The following VEPH1 variants were observed in gnomAD, a reference collection of about 807,000 sequenced individuals.
VEPH1 encodes ventricular zone expressed PH domain containing 1.
VEPH1 carries 80 observed loss-of-function variants against 85.2 expected under a neutral mutation model. The ratio of observed to expected loss-of-function variants is 0.94; its 90% CI spans 0.78 to 1.13. The LOEUF (loss-of-function observed/expected upper bound fraction) is 1.13. Among genes scored for constraint, VEPH1 ranks in the 50% most tolerant of loss-of-function variants. VEPH1 has a pLI of 0.00. For synonymous variants in VEPH1, 297 were observed against 348.0 expected (o/e 0.85, Z 1.63); for missense variants, 955 against 980.5 (o/e 0.97, Z 0.35).
intron 11 of VEPH1, among the ~76,000 whole-genome samples, chr3:157,310,685 A>T (rs886551518): frequency 1.1e-4 from 16 of 152,226 alleles, no homozygotes; most frequent in African/African-American, 3.4e-4. Flanking sequence ...GTGGCTCAGA[A>T]TTCCAGGCTG....
intron 6 of VEPH1, among the ~76,000 whole-genome samples, chr3:157,385,625 T>C (rs1272706003): frequency 6.6e-6 from 1 of 152,228 alleles, no homozygotes; most frequent in African/African-American, 2.4e-5. Context: ...ATGACATCTA[T>C]ATTCTCATAT....
intron 4 of VEPH1, among the ~76,000 whole-genome samples, chr3:157,431,327 G>A (rs1284737116): frequency 2.6e-5 from 4 of 152,112 alleles, no homozygotes; most frequent in Non-Finnish European, 5.9e-5. Context: ...TATCTTTATA[G>A]CAGTGTGAAA....
intron 11 of VEPH1, among the ~76,000 whole-genome samples, chr3:157,301,783 T>C (rs1718843558): frequency 2.6e-5 from 4 of 152,324 alleles, no homozygotes; most frequent in Admixed American, 2.6e-4. Flanking sequence ...GATGCAATCC[T>C]GAACTGGGAC....
intron 9 of VEPH1, among the ~76,000 whole-genome samples, chr3:157,318,222 T>TG (rs1187697287): frequency 6.6e-6 from 1 of 152,194 alleles, no homozygotes; most frequent in East Asian, 1.9e-4. Flanking sequence ...GCTACTATAC[T>TG]GGGGATTTTT....
At chr3:157,369,911 CAT>C (rs1171471919) in intron 7 of VEPH1, among the ~76,000 whole-genome samples, 2 of 152,102 alleles carry the variant, frequency 1.3e-5, no homozygotes, top group African/African-American at 4.8e-5. Flanking sequence ...TGTGTTTACT[CAT>C]AGAGTGGTGG....
intron 2 of VEPH1, chr3:157,493,404 C>T (rs776609754): frequency 7.7e-6 from 3 of 390,144 alleles, no homozygotes; most frequent in Admixed American, 3.0e-5. Flanking sequence ...ACGCAGCTAA[C>T]AGGGATGTAA....
In VEPH1 at chr3:157,286,544, A is replaced by G; in HGVS notation, c.2128+13T>C. ...GCACAAATGGTTCTTAGCAGCAGGT[A>G]AGGGTCTCTCACCAGTTGCTTTCTC... is the stretch of plus-strand genomic sequence containing the variant. On this transcript the variant is annotated intron_variant, in intron 12 of 13. Coordinates refer to ENST00000362010, the MANE Select transcript of VEPH1 (RefSeq NM_001167912.2). 6.2e-7 allele frequency: 1 copy of G among 1,600,636 alleles called. No homozygotes were observed. Among genetic ancestry groups the G allele is most frequent in the Admixed American group, 1.7e-5 (1 of 59,980 alleles).
chr3:157,262,504 A>G (rs1264287626), intron 13 of VEPH1, among the ~76,000 whole-genome samples: 3 of 152,128 alleles, frequency 2.0e-5, no homozygotes, highest in Admixed American at 6.6e-5. Flanking sequence ...CATTCAGGAT[A>G]AAATGCTGTG....
At chr3:157,362,155 C>G (rs889943198) in intron 9 of VEPH1, among the ~76,000 whole-genome samples, 1 of 152,066 alleles carries the variant, frequency 6.6e-6, no homozygotes, top group African/African-American at 2.4e-5. Context: ...CTCAGCCTCC[C>G]GAGTAGCTAG....
At chr3:157,272,456 T>C (rs559576099) in intron 12 of VEPH1, among the ~76,000 whole-genome samples, 22 of 147,398 alleles carry the variant, frequency 1.5e-4, no homozygotes, top group African/African-American at 5.0e-4. Flanking sequence ...TCTCTCTCTT[T>C]CTTCTCCCTT....
At chr3:157,275,029 A>C (rs1439931061) in intron 12 of VEPH1, among the ~76,000 whole-genome samples, 1 of 152,112 alleles carries the variant, frequency 6.6e-6, no homozygotes, top group Non-Finnish European at 1.5e-5. Context: ...GTCTGGAAGG[A>C]ATGACAATAG....
intron 5 of VEPH1, among the ~76,000 whole-genome samples, chr3:157,418,916 C>T (rs1732122289): frequency 6.6e-6 from 1 of 152,102 alleles, no homozygotes; most frequent in Admixed American, 6.6e-5. Flanking sequence ...CGTTATACTA[C>T]CCAACTTCAT....
intron 2 of VEPH1, among the ~76,000 whole-genome samples, chr3:157,478,883 A>C (rs536113781): frequency 1.6e-4 from 25 of 152,308 alleles, no homozygotes; most frequent in Non-Finnish European, 2.8e-4. Context: ...ACTTTACTAC[A>C]AAGAGATTTT....
intron 4 of VEPH1, among the ~76,000 whole-genome samples, chr3:157,458,476 T>C (rs1735560734): frequency 6.6e-6 from 1 of 152,208 alleles, no homozygotes; most frequent in African/African-American, 2.4e-5. Flanking sequence ...GGCTATTTGT[T>C]TCTTGCTTGT....
intron 13 of VEPH1, 33 bp from the exon 14 acceptor site, chr3:157,261,403 G>A: frequency 6.2e-7 from 1 of 1,606,880 alleles, no homozygotes. Flanking sequence ...AACATGGGCT[G>A]GCTGTTACTG....
intron 9 of VEPH1, among the ~76,000 whole-genome samples, chr3:157,331,385 C>T (rs1409936124): frequency 2.0e-5 from 3 of 152,212 alleles, no homozygotes; most frequent in Admixed American, 1.3e-4. Flanking sequence ...TCTTCTCATA[C>T]AACACTTCTT....
intron 4 of VEPH1, chr3:157,443,182 GT>G: frequency 1.8e-6 from 1 of 564,512 alleles, no homozygotes; most frequent in Non-Finnish European, 3.0e-6. Context: ...TGAGGATAAT[GT>G]TACTAGACTT....
Position 157,368,479 on chromosome 3 carries a change from TTTTGTTTG to T in VEPH1, c.1128-3975_1128-3968del, listed in dbSNP as rs60491760. Among the ~76,000 whole-genome samples, 138 of 150,866 alleles carry T rather than the reference TTTTGTTTG, an allele frequency of 9.1e-4. 4 individuals are homozygous for T. Among genetic ancestry groups the T allele is most frequent in the Non-Finnish European group, 2.1e-4 (14 of 67,778 alleles). ...CTGAATTTCAGATAAACAATAAGTT[TTTTGTTTG>T]TTTGTTTGTTTGTTTGTTTTTTGAA... On this transcript the variant is annotated intron_variant, in intron 7 of 13. Transcript: ENST00000362010.
At chr3:157,330,864 G>C (rs1175670448) in intron 9 of VEPH1, among the ~76,000 whole-genome samples, 3 of 152,150 alleles carry the variant, frequency 2.0e-5, no homozygotes, top group African/African-American at 4.8e-5. Context: ...AAATAGTCTG[G>C]GTTGGGAATA....
Sources: allele counts gnomAD v4.1 joint callset (sites outside exome capture counted in the v4.1 genomes callset), GRCh38; gene constraint gnomAD v4.1.1; transcripts MANE v1.5; gene names NCBI Gene and HGNC (gene_info 2026-07-23, HGNC 2026-07-21).